The following PTPRD variants were observed in gnomAD, a reference collection of about 807,000 sequenced individuals.
PTPRD encodes the protein protein tyrosine phosphatase receptor type D.
A neutral mutation model predicts 214.5 loss-of-function variants in PTPRD; 34 were observed. That is an observed-to-expected ratio of 0.16 (90% CI 0.12 to 0.21). The LOEUF (loss-of-function observed/expected upper bound fraction) is 0.21, where lower values mean the gene tolerates loss of function less well. Among genes scored for constraint, PTPRD ranks in the 10% least tolerant of loss-of-function variants. PTPRD has a pLI of 1.00. For synonymous variants in PTPRD, 1,128 were observed against 845.7 expected (o/e 1.33, Z -5.79); for missense variants, 2,545 against 2,398.7 (o/e 1.06, Z -1.27).
chr9:9,614,021 A>T (rs1276663122), intron 7 of PTPRD, among the ~76,000 whole-genome samples: 1 of 152,136 alleles, frequency 6.6e-6, no homozygotes. Context: ...ATGTTGTCAT[A>T]ATAGAAGTGT....
chr9:8,569,584 T>A (rs2090492372), intron 14 of PTPRD, among the ~76,000 whole-genome samples: 1 of 152,102 alleles, frequency 6.6e-6, no homozygotes, highest in South Asian at 2.1e-4. Flanking sequence ...GGTAGTGATT[T>A]ATTTTCAAAG....
chr9:10,364,299 T>A (rs2097468192), intron 2 of PTPRD, among the ~76,000 whole-genome samples: 1 of 151,806 alleles, frequency 6.6e-6, no homozygotes, highest in Non-Finnish European at 1.5e-5. Flanking sequence ...CCACTCCCAG[T>A]CTATTACCTC....
intron 5 of PTPRD, among the ~76,000 whole-genome samples, chr9:9,872,926 A>C (rs1381745897): frequency 6.6e-6 from 1 of 152,150 alleles, no homozygotes; most frequent in Non-Finnish European, 1.5e-5. Context: ...AATATTTATT[A>C]AGTATGGGCT....
chr9:8,725,155 A>C (rs1320821383), intron 12 of PTPRD, among the ~76,000 whole-genome samples: 1 of 152,208 alleles, frequency 6.6e-6, no homozygotes, highest in African/African-American at 2.4e-5. Context: ...GTGTAAAATT[A>C]TTTCAAAATA....
chr9:9,663,619 A>G (rs1399115029), intron 7 of PTPRD, among the ~76,000 whole-genome samples: 1 of 151,636 alleles, frequency 6.6e-6, no homozygotes, highest in Non-Finnish European at 1.5e-5. Flanking sequence ...TAAAAACTTG[A>G]GCGTCATCAC....
intron 2 of PTPRD, among the ~76,000 whole-genome samples, chr9:10,530,797 A>C (rs1322974350): frequency 6.6e-6 from 1 of 152,204 alleles, no homozygotes; most frequent in Non-Finnish European, 1.5e-5. Context: ...TAAAACAGAT[A>C]TCAAATAAAT....
chr9:10,176,822 T>C (rs764104871), intron 3 of PTPRD, among the ~76,000 whole-genome samples: 12 of 151,988 alleles, frequency 7.9e-5, no homozygotes, highest in East Asian at 3.9e-4. Flanking sequence ...TAATGCACCA[T>C]TGATATGGAA....
chr9:9,092,619 T>C lies in PTPRD; in HGVS notation c.-142-73884A>G, dbSNP rs1462399012. 4.0e-5 allele frequency among the ~76,000 whole-genome samples: 6 copies of C among 151,442 alleles called. No homozygotes were observed. In the East Asian group the frequency reaches 9.6e-4, roughly 24 times the overall value. Reference sequence around the variant, plus strand: ...TCACTTATAACACATGAAAAAGTTATGACTTGAAAATATGACTTGAAAATT... The same window carrying C: ...TCACTTATAACACATGAAAAAGTTACGACTTGAAAATATGACTTGAAAATT... On this transcript the variant is annotated intron_variant, in intron 10 of 45. Coordinates refer to ENST00000381196, the MANE Select transcript of PTPRD (RefSeq NM_002839.4).
chr9:9,859,002 A>G (rs2062106352), intron 5 of PTPRD, among the ~76,000 whole-genome samples: 1 of 152,106 alleles, frequency 6.6e-6, no homozygotes, highest in Admixed American at 6.5e-5. Context: ...CCACCTGTCT[A>G]GGGAGGGACC....
chr9:9,939,272 G>A (rs929223686), intron 4 of PTPRD, among the ~76,000 whole-genome samples: 4 of 152,112 alleles, frequency 2.6e-5, no homozygotes, highest in Non-Finnish European at 4.4e-5. Flanking sequence ...GTAGGGTCTT[G>A]TACTGCACAC....
At chr9:9,392,699 A>C (rs1456673395) in intron 9 of PTPRD, among the ~76,000 whole-genome samples, 2 of 152,184 alleles carry the variant, frequency 1.3e-5, no homozygotes, top group African/African-American at 4.8e-5. Flanking sequence ...TGAATTTTCT[A>C]TAATGCATTT....
intron 9 of PTPRD, among the ~76,000 whole-genome samples, chr9:9,392,539 T>C (rs1339497007): frequency 6.6e-6 from 1 of 152,172 alleles, no homozygotes; most frequent in African/African-American, 2.4e-5. Flanking sequence ...AATGGGATCC[T>C]ATGTTAGGTC....
chr9:9,939,603 T>A (rs1371013748), intron 4 of PTPRD, among the ~76,000 whole-genome samples: 3 of 152,214 alleles, frequency 2.0e-5, no homozygotes, highest in African/African-American at 4.8e-5. Context: ...CCTCTTGTTG[T>A]ACCTACTTGG....
intron 14 of PTPRD, among the ~76,000 whole-genome samples, chr9:8,554,638 T>C (rs1009238627): frequency 2.0e-5 from 3 of 152,168 alleles, no homozygotes; most frequent in Non-Finnish European, 4.4e-5. Flanking sequence ...CAAATTTAGA[T>C]GGCTAGGTAT....
chr9:9,402,345 TAA>T (rs908520988), intron 8 of PTPRD, among the ~76,000 whole-genome samples: 3 of 152,100 alleles, frequency 2.0e-5, no homozygotes, highest in African/African-American at 4.8e-5. Flanking sequence ...GGAGAAGTGA[TAA>T]AAAGTCTCTC....
chr9:9,621,176 T>C (rs1444495358), intron 7 of PTPRD, among the ~76,000 whole-genome samples: 1 of 152,210 alleles, frequency 6.6e-6, no homozygotes, highest in Non-Finnish European at 1.5e-5. Context: ...TGTGAATACT[T>C]GGCAACAAGA....
intron 7 of PTPRD, among the ~76,000 whole-genome samples, chr9:9,733,582 G>C (rs2098238231): frequency 6.6e-6 from 1 of 152,082 alleles, no homozygotes; most frequent in African/African-American, 2.4e-5. Context: ...CAACAGCAAG[G>C]AGATACTGGA....
intron 3 of PTPRD, among the ~76,000 whole-genome samples, chr9:10,328,067 CA>C (rs2096677206): frequency 6.6e-6 from 1 of 151,028 alleles, no homozygotes; most frequent in Non-Finnish European, 1.5e-5. Context: ...ATCTTTAAAG[CA>C]AAACAACACT....
chr9:8,338,507 C>G (rs1458491207), intron 43 of PTPRD, among the ~76,000 whole-genome samples: 1 of 152,032 alleles, frequency 6.6e-6, no homozygotes. Flanking sequence ...ACCAAATTAA[C>G]CTCTGGGTCC....
Sources: allele counts gnomAD v4.1 joint callset (sites outside exome capture counted in the v4.1 genomes callset), GRCh38; gene constraint gnomAD v4.1.1; transcripts MANE v1.5; gene names NCBI Gene and HGNC (gene_info 2026-07-23, HGNC 2026-07-21).